Variants in UGGT1 observed in about 807,000 individuals in gnomAD.
UGGT1 encodes the protein UDP-glucose glycoprotein glucosyltransferase 1, also known as UDP-glucose:glycoprotein glucosyltransferase 1.
Under a neutral mutation model 203.9 loss-of-function variants are expected in UGGT1, and 107 were observed. That is an observed-to-expected ratio of 0.52 (90% CI 0.45 to 0.62). UGGT1 has a LOEUF of 0.62. Among genes scored for constraint, UGGT1 ranks in the 20% least tolerant of loss-of-function variants. The pLI, the probability that UGGT1 is intolerant of heterozygous loss-of-function variation, is 0.00. For synonymous variants in UGGT1, 628 were observed against 653.5 expected (o/e 0.96, Z 0.59); for missense variants, 1,673 against 1,867.2 (o/e 0.90, Z 1.92).
intron 3 of UGGT1, among the ~76,000 whole-genome samples, chr2:128,107,016 T>C (rs139427048): frequency 6.6e-6 from 1 of 152,328 alleles, no homozygotes; most frequent in African/African-American, 2.4e-5. Context: ...TTTGCATGGA[T>C]ATATGTGATT....
Position 128,120,420 on chromosome 2 carries a change from A to G in UGGT1, c.937A>G (p.Asn313Asp). The change falls in exon 9 of 41, where the codon AAT (asparagine) becomes GAT (aspartate). Residue 313 changes from asparagine (N) to aspartate (D), a missense_variant. By Grantham distance (23) the Asn-to-Asp change is conservative. Around this residue, in one of 4 missense-constraint regions of UGGT1, gnomAD observed 1,073 missense variants for 1,078.7 expected, o/e 0.99. Coordinates refer to ENST00000259253, the MANE Select transcript of UGGT1 (RefSeq NM_020120.4). ...ELRKHLVEST[N>D]EMAPLKVWQL... ...CAGAAAGCATCTTGTAGAGAGCACC[A>G]ATGAAATGGCACCTTTAAAGGTTTG... 3 of 1,614,094 alleles carry G rather than the reference A, an allele frequency of 1.9e-6. No homozygotes were observed. The highest frequency in any genetic ancestry group is 2.5e-6 in the Non-Finnish European group (3 of 1,179,974).
rs146962539 is a variant in UGGT1, at chr2:128,153,473, A to C, written c.2137+569A>C. Among the ~76,000 whole-genome samples the C allele has an allele frequency of 5.2e-3, 798 of 152,224 alleles. 12 individuals are homozygous for C. The highest frequency in any genetic ancestry group is 0.017 in the African/African-American group (704 of 41,536). ...TGATACATCATTATCATCACCCCCC[A>C]AAAATTCCCCAGAATTCCATGTACC... On this transcript the variant is annotated intron_variant, in intron 19 of 40. Transcript: ENST00000259253.
At chr2:128,183,984 A>G (rs1558830250) in intron 38 of UGGT1, among the ~76,000 whole-genome samples, 195 bp downstream of exon 38, 1 of 151,870 alleles carries the variant, frequency 6.6e-6, no homozygotes. Flanking sequence ...CTCAAGACAT[A>G]TCAGCGTGAA....
intron 2 of UGGT1, among the ~76,000 whole-genome samples, chr2:128,101,431 A>G (rs919528812): frequency 6.6e-6 from 1 of 152,206 alleles, no homozygotes; most frequent in Non-Finnish European, 1.5e-5. Context: ...GTGATTGTCT[A>G]TGAAGTGATA....
At chr2:128,117,693 G>A (rs1046671021) in intron 8 of UGGT1, among the ~76,000 whole-genome samples, 10 of 151,664 alleles carry the variant, frequency 6.6e-5, no homozygotes, top group Admixed American at 2.0e-4. Flanking sequence ...ACAGGCATCC[G>A]CCACCACACC....
chr2:128,129,096 C>G lies in UGGT1; in HGVS notation c.1294C>G (p.Leu432Val), dbSNP rs1413785397. ...TCTGCATAGATTGGGAATAGAAGGC[C>G]TTTCTCTGCATAATGTTTTGAAGCT... ...EGLHRLGIEG[L>V]SLHNVLKLNI... The change falls in exon 13 of 41, where the codon CTT (leucine) becomes GTT (valine). Residue 432 changes from leucine (L) to valine (V), a missense_variant. Coordinates refer to ENST00000259253, the MANE Select transcript of UGGT1 (RefSeq NM_020120.4). The G allele has an allele frequency of 6.2e-7, 1 of 1,613,914 alleles. No homozygotes were observed. The highest frequency in any genetic ancestry group is 1.7e-5 in the Admixed American group (1 of 59,980).
At chr2:128,123,163 T>C in intron 10 of UGGT1, 23 bp from the exon 11 acceptor site, 1 of 1,600,120 alleles carries the variant, frequency 6.2e-7, no homozygotes. Flanking sequence ...AGCCAAGCAC[T>C]CATAATGTTT....
chr2:128,182,078 C>T (rs1691717686), intron 36 of UGGT1, 52 bp from the exon 37 acceptor site: 1 of 1,584,676 alleles, frequency 6.3e-7, no homozygotes, highest in Non-Finnish European at 8.6e-7. Flanking sequence ...AAGGAAACCG[C>T]ATTAGAGCTG....
intron 18 of UGGT1, among the ~76,000 whole-genome samples, chr2:128,149,704 C>T (rs1406015911): frequency 6.6e-6 from 1 of 151,544 alleles, no homozygotes; most frequent in East Asian, 1.9e-4. Context: ...ACCTGGGAGG[C>T]AGAGGTTCCC....
intron 18 of UGGT1, among the ~76,000 whole-genome samples, chr2:128,147,607 A>G (rs1689750638): frequency 6.6e-6 from 1 of 150,854 alleles, no homozygotes; most frequent in South Asian, 2.1e-4. Context: ...TTCTTTCTGC[A>G]TGTCTTTTTT....
chr2:128,116,419 C>A, intron 8 of UGGT1, 76 bp downstream of exon 8: 1 of 906,854 alleles, frequency 1.1e-6, no homozygotes, highest in Non-Finnish European at 1.8e-6. Context: ...TTTTAAGCAT[C>A]ATCTTACTCA....
intron 2 of UGGT1, among the ~76,000 whole-genome samples, chr2:128,101,626 C>G (rs1183399842): frequency 6.6e-6 from 1 of 152,132 alleles, no homozygotes; most frequent in African/African-American, 2.4e-5. Context: ...TATATTCCAG[C>G]TTTTCCATTG....
chr2:128,160,425 C>A (rs140525741), intron 23 of UGGT1, 35 bp from the exon 24 acceptor site: 1 of 1,566,874 alleles, frequency 6.4e-7, no homozygotes. Flanking sequence ...TGCTTAGTAA[C>A]GACTATTTTT....
At position 128,143,233 on chromosome 2, in the gene UGGT1, AT is replaced by A; in HGVS notation, c.1851+11del. 1 of 1,612,646 alleles carries A rather than the reference AT, an allele frequency of 6.2e-7. No individual in the cohort carries two copies. The highest frequency in any genetic ancestry group is 1.7e-5 in the Admixed American group (1 of 59,786). The stretch of plus-strand genomic sequence containing the variant: ...TATGATCGGAATCGGAAGGTAAAAA[AT>A]TTCTTTGTGTTTCTTATTTGATTGC... On this transcript the variant is annotated intron_variant, in intron 17 of 40. Coordinates refer to ENST00000259253, the MANE Select transcript of UGGT1 (RefSeq NM_020120.4).
intron 38 of UGGT1, among the ~76,000 whole-genome samples, chr2:128,185,469 C>CT (rs766681891): frequency 0.071 from 8,015 of 113,374 alleles, 1,110 homozygotes; most frequent in African/African-American, 0.23. Context: ...CGTGCCCGGC[C>CT]TTTTTTTTTT....
chr2:128,161,129 C>T lies in UGGT1; in HGVS notation c.2695-9C>T. The T allele has an allele frequency of 6.2e-7, 1 of 1,613,624 alleles. No individual in the cohort carries two copies. On this transcript the variant is annotated splice_polypyrimidine_tract_variant and intron_variant, in intron 24 of 40. Coordinates refer to ENST00000259253, the MANE Select transcript of UGGT1 (RefSeq NM_020120.4). The stretch of plus-strand genomic sequence containing the variant: ...CAGAGCTAAGCGCCTGCTCTTCTCT[C>T]CTTCACAGATCATTGGGCCACTGGA...
intron 13 of UGGT1, among the ~76,000 whole-genome samples, chr2:128,132,322 C>T (rs531592274): frequency 9.3e-5 from 14 of 151,338 alleles, no homozygotes; most frequent in Non-Finnish European, 1.6e-4. Context: ...CCGAGGTGGG[C>T]GGATCACTTG....
Position 128,113,216 on chromosome 2 carries a change from C to A in UGGT1, c.654C>A (p.Ser218Arg). Reference sequence around the variant, plus strand: ...TTCACCGCCAGCTTATATCAAAAAGCAATGCAGGCAAAATCAATTATGTAT... The same window carrying A: ...TTCACCGCCAGCTTATATCAAAAAGAAATGCAGGCAAAATCAATTATGTAT... ...SNFHRQLISK[S>R]NAGKINYVFR... is the part of the protein sequence containing the mutation. The change falls in exon 6 of 41, where the codon AGC (serine) becomes AGA (arginine). Residue 218 changes from serine (S) to arginine (R), a missense_variant. This residue lies in a region of UGGT1 where 1,073 missense variants were observed against 1,078.7 expected (regional missense o/e 0.99). Transcript: ENST00000259253. 1 of 1,612,264 alleles carries A rather than the reference C, an allele frequency of 6.2e-7. No homozygotes were observed. The highest frequency in any genetic ancestry group is 8.5e-7 in the Non-Finnish European group (1 of 1,179,208).
chr2:128,155,209 GAC>G (rs1403397979), intron 19 of UGGT1, among the ~76,000 whole-genome samples: 1 of 152,176 alleles, frequency 6.6e-6, no homozygotes, highest in Admixed American at 6.5e-5. Flanking sequence ...GTTGACAAGT[GAC>G]AGGAATGGGA....
Sources: gnomAD v4.1 joint callset for allele counts (sites outside exome capture counted in the v4.1 genomes callset) on GRCh38, gnomAD v4.1.1 for gene constraint, gnomAD v4.1.1 regional missense constraint, MANE v1.5 for transcripts, NCBI Gene and HGNC (gene_info 2026-07-23, HGNC 2026-07-21) for gene names.